Variants in PROSER2 observed in about 807,000 individuals in gnomAD.
PROSER2 encodes proline and serine-rich protein 2.
A neutral mutation model predicts 14.6 loss-of-function variants in PROSER2; 18 were observed. The ratio of observed to expected loss-of-function variants is 1.23; its 90% CI spans 0.85 to 1.83. The LOEUF is 1.83. PROSER2 is among the 40% of genes most tolerant of loss of function. The probability of loss-of-function intolerance (pLI) is 0.00; values close to 1 mark genes in which losing one functional copy is unlikely to be tolerated. For synonymous variants in PROSER2, 367 were observed against 286.4 expected (o/e 1.28, Z -2.84); for missense variants, 823 against 629.8 (o/e 1.31, Z -3.28).
chr10:11,849,101 C>T (rs1322989832), intron 1 of PROSER2, among the ~76,000 whole-genome samples: 2 of 152,036 alleles, frequency 1.3e-5, no homozygotes, highest in African/African-American at 2.4e-5. Flanking sequence ...GCAGGAGAAT[C>T]GCTTGAACCC....
chr10:11,837,042 G>C lies in PROSER2; in HGVS notation c.-82+13572G>C, dbSNP rs961628971. 1.5e-4 allele frequency among the ~76,000 whole-genome samples: 23 copies of C among 152,156 alleles called. No homozygotes were observed. The highest frequency in any genetic ancestry group is 5.6e-4 in the African/African-American group (23 of 41,422). On this transcript the variant is annotated intron_variant, in intron 1 of 3. Coordinates refer to ENST00000277570, the MANE Select transcript of PROSER2 (RefSeq NM_153256.4). The surrounding 1 kb of genome is among the most constrained non-coding windows in gnomAD (Gnocchi z 4.6). The stretch of plus-strand genomic sequence containing the variant: ...TGCCCATCACTTAGTAGCCAACTCA[G>C]TTCTCAGATCAGCTGTCTATGTGGC...
At chr10:11,826,326 T>G (rs1320662048) in intron 1 of PROSER2, among the ~76,000 whole-genome samples, 2 of 152,230 alleles carry the variant, frequency 1.3e-5, no homozygotes, top group Non-Finnish European at 1.5e-5. Flanking sequence ...TGAATAGTAC[T>G]GCTATGAACC....
At chr10:11,841,565 C>G (rs1308676059) in intron 1 of PROSER2, among the ~76,000 whole-genome samples, 1 of 152,120 alleles carries the variant, frequency 6.6e-6, no homozygotes, top group Non-Finnish European at 1.5e-5. Context: ...AGCTGCATCC[C>G]ACAGGTTTCG....
chr10:11,868,946 C>T (rs1376551280), intron 3 of PROSER2, among the ~76,000 whole-genome samples: 1 of 152,170 alleles, frequency 6.6e-6, no homozygotes, highest in Non-Finnish European at 1.5e-5. Context: ...CCACCGCGCC[C>T]GGCCCAGTGT....
intron 2 of PROSER2, among the ~76,000 whole-genome samples, chr10:11,852,684 AT>A (rs33939695): frequency 0.11 from 10,721 of 97,772 alleles, 570 homozygotes; most frequent in African/African-American, 0.2. Context: ...ACACCCGGCT[AT>A]TTTTTTTTTT....
intron 1 of PROSER2, among the ~76,000 whole-genome samples, chr10:11,832,554 A>C (rs1389251617): frequency 6.6e-6 from 1 of 152,208 alleles, no homozygotes; most frequent in Non-Finnish European, 1.5e-5. Context: ...ATTGGTGTCA[A>C]CTTTTTAATA....
rs1050240189 is a variant in PROSER2 at position 11,871,669 on chromosome 10, A to G, written c.*1263A>G. On this transcript the variant is annotated 3_prime_UTR_variant, in exon 4 of 4. Transcript: ENST00000277570. ...CACGCTGAGTTATGCCACAAGCGTT[A>G]TCATCAAAACTATTTAAGGCTGGAG... is the stretch of plus-strand genomic sequence containing the variant. 1.3e-5 allele frequency: 2 copies of G among 152,234 alleles called. No homozygotes were observed. The highest frequency in any genetic ancestry group is 4.8e-5 in the African/African-American group (2 of 41,460). 9.4% of individuals were successfully genotyped at this position (152,234 alleles called of 1,614,324 possible).
rs1255248328 is a variant in PROSER2, at chr10:11,869,231, G to A, written c.392-259G>A. ...TGGAGCCTCAGCAGCCCACATGGAC[G>A]GAATGTCTCCTAGGTGTGGACTGTC... On this transcript the variant is annotated intron_variant, in intron 3 of 3. Coordinates refer to ENST00000277570, the MANE Select transcript of PROSER2 (RefSeq NM_153256.4). The surrounding 1 kb of genome is among the most constrained non-coding windows in gnomAD (Gnocchi z 4.4). 1.3e-5 allele frequency: 7 copies of A among 550,048 alleles called. No individual in the cohort carries two copies. The highest frequency in any genetic ancestry group is 3.4e-5 in the Admixed American group (1 of 29,770). The allele number at this position is 550,048 out of a possible 1,614,324, so 34.1% of individuals were successfully genotyped here. A position where few individuals can be genotyped will look rare whatever the true frequency, so the allele number is the denominator to read the frequency against.
intron 1 of PROSER2, among the ~76,000 whole-genome samples, chr10:11,824,770 G>C (rs1468993412): frequency 6.6e-6 from 1 of 152,180 alleles, no homozygotes; most frequent in Non-Finnish European, 1.5e-5. Context: ...GAAAATTTTA[G>C]ATGCTGATGA....
At position 11,869,786 on chromosome 10, in the gene PROSER2, G is replaced by A; in HGVS notation, c.688G>A (p.Ala230Thr). The part of the protein sequence containing the change: ...GRPGEWRTPA[A>T]RGPRSGDPGP... ...GCCCGGGGAGTGGAGGACACCTGCC[G>A]CCCGGGGGCCCCGCAGTGGAGACCC... The change falls in exon 4 of 4, where the codon GCC (alanine) becomes ACC (threonine). Residue 230 changes from alanine to threonine, a missense_variant. Transcript: ENST00000277570. This position sits in a 1 kb window ranked among gnomAD's most constrained non-coding sequence, Gnocchi z 4.4. 6.4e-7 allele frequency: 1 copy of A among 1,555,010 alleles called. No homozygotes were observed. The highest frequency in any genetic ancestry group is 8.7e-7 in the Non-Finnish European group (1 of 1,151,976).
At chr10:11,850,823 A>G (rs1326885175) in intron 1 of PROSER2, 3 of 152,264 alleles carry the variant, frequency 2.0e-5, no homozygotes, top group African/African-American at 7.2e-5. Flanking sequence ...TGTTTCCATT[A>G]ATCAGCAAGA....
At chr10:11,840,099 C>G (rs532076624) in intron 1 of PROSER2, among the ~76,000 whole-genome samples, 1 of 151,344 alleles carries the variant, frequency 6.6e-6, no homozygotes, top group African/African-American at 2.4e-5. Flanking sequence ...ACTACAGGTA[C>G]ACTCCTCCAC....
At chr10:11,831,449 A>G (rs1334515705) in intron 1 of PROSER2, among the ~76,000 whole-genome samples, 1 of 152,266 alleles carries the variant, frequency 6.6e-6, no homozygotes, top group Non-Finnish European at 1.5e-5. Flanking sequence ...TCAGGAATCC[A>G]GAAATGTAAT....
chr10:11,866,498 T>C lies in PROSER2; in HGVS notation c.139-33T>C, dbSNP rs1403393561. ...CTCTTTAGTGAAGCCAGTGTTTGTT[T>C]TCTCTCTTCTGTTCCCAATCCCTGT... On this transcript the variant is annotated intron_variant, in intron 2 of 3. Coordinates refer to ENST00000277570, the MANE Select transcript of PROSER2 (RefSeq NM_153256.4). This position sits in a 1 kb window ranked among gnomAD's most constrained non-coding sequence, Gnocchi z 6.0. 1 of 1,607,070 alleles carries C rather than the reference T, an allele frequency of 6.2e-7. No homozygotes were observed.
At chr10:11,864,229 C>G (rs777162991) in intron 2 of PROSER2, among the ~76,000 whole-genome samples, 2 of 152,138 alleles carry the variant, frequency 1.3e-5, no homozygotes, top group Non-Finnish European at 2.9e-5. Context: ...GGGTTTTGAG[C>G]CCCCATTGTC....
chr10:11,854,569 C>T (rs913299749), intron 2 of PROSER2, among the ~76,000 whole-genome samples: 1 of 151,476 alleles, frequency 6.6e-6, no homozygotes, highest in Non-Finnish European at 1.5e-5. Flanking sequence ...CCTCAGCCTT[C>T]GCAAGTGCTG....
Position 11,871,693 on chromosome 10 carries a change from A to G in PROSER2, c.*1287A>G, listed in dbSNP as rs575882815. 6.6e-6 allele frequency: 1 copy of G among 152,344 alleles called. No homozygotes were observed. Among genetic ancestry groups the G allele is most frequent in the East Asian group, 1.9e-4 (1 of 5,190 alleles). 9.4% of individuals were successfully genotyped at this position (152,344 alleles called of 1,614,324 possible). The stretch of plus-strand genomic sequence containing the variant: ...TATCATCAAAACTATTTAAGGCTGG[A>G]GTCTTAGACCTCTAAAAATAGACAG... On this transcript the variant is annotated 3_prime_UTR_variant, in exon 4 of 4. Coordinates refer to ENST00000277570, the MANE Select transcript of PROSER2 (RefSeq NM_153256.4).
At chr10:11,852,812 G>A (rs982109413) in intron 2 of PROSER2, among the ~76,000 whole-genome samples, 2 of 149,696 alleles carry the variant, frequency 1.3e-5, no homozygotes, top group East Asian at 2.0e-4. Context: ...GTGAGCCACC[G>A]CGCCAGGCCT....
rs1834261216 is a variant in PROSER2 at position 11,862,344 on chromosome 10, C to G, written c.139-4187C>G. On this transcript the variant is annotated intron_variant, in intron 2 of 3. Coordinates refer to ENST00000277570, the MANE Select transcript of PROSER2 (RefSeq NM_153256.4). The surrounding 1 kb of genome is among the most constrained non-coding windows in gnomAD (Gnocchi z 4.2). Reference sequence around the variant, plus strand: ...AAAAGGACTAAGAAAGCTAAACAGACTTAAGGAAGACTTTAAGAACTCCAA... The same window carrying G: ...AAAAGGACTAAGAAAGCTAAACAGAGTTAAGGAAGACTTTAAGAACTCCAA... Among the ~76,000 whole-genome samples the G allele has an allele frequency of 6.6e-6, 1 of 152,170 alleles. No individual in the cohort carries two copies. The highest frequency in any genetic ancestry group is 1.5e-5 in the Non-Finnish European group (1 of 68,030).
Sources: gnomAD v4.1 joint callset for allele counts (sites outside exome capture counted in the v4.1 genomes callset) on GRCh38, gnomAD v4.1.1 for gene constraint, Gnocchi (gnomAD v3.1) non-coding constraint, MANE v1.5 for transcripts, NCBI Gene and HGNC (gene_info 2026-07-23, HGNC 2026-07-21) for gene names.